Variants in USP40 observed in about 807,000 individuals in gnomAD.
The protein encoded by USP40 is ubiquitin specific peptidase 40.
Under a neutral mutation model 166.2 loss-of-function variants are expected in USP40, and 143 were observed. The ratio of observed to expected loss-of-function variants is 0.86; its 90% CI spans 0.75 to 0.99. The LOEUF (loss-of-function observed/expected upper bound fraction) is 0.99, where lower values mean the gene tolerates loss of function less well. Ranked by LOEUF, USP40 falls within the 50% of genes least tolerant of loss-of-function variation. USP40 has a pLI of 0.00. For missense variants in USP40, 1,444 were observed against 1,479.7 expected, an observed-to-expected ratio of 0.98 and a Z score of 0.40; for synonymous variants, 498 against 524.0, an observed-to-expected ratio of 0.95 and a Z score of 0.68.
chr2:233,498,603 C>T lies in USP40; in HGVS notation c.2660G>A (p.Trp887Ter), dbSNP rs536827807. The change falls in exon 23 of 32, where the codon TGG (tryptophan) becomes TAG (stop). Residue 887 changes from tryptophan to a stop codon, truncating the protein, a stop_gained. Coordinates refer to ENST00000678225, the MANE Select transcript of USP40 (RefSeq NM_001365479.2). LOFTEE classifies it high-confidence loss of function. ...LKKSGLQGDA[W>*]HLRKMDWCYE... ...GCACCAATCCATTTTTCGTAAATGCCAGGCATCTCCTATAAAGGAGTCAAA... is the reference window on the plus strand; with the variant it reads ...GCACCAATCCATTTTTCGTAAATGCTAGGCATCTCCTATAAAGGAGTCAAA... 13 of 1,613,166 alleles carry T rather than the reference C, an allele frequency of 8.1e-6. No individual in the cohort carries two copies. The South Asian group carries it at 1.2e-4, about 15-fold the overall frequency.
Position 233,554,303 on chromosome 2 carries a change from C to T in USP40, c.693+77G>A, listed in dbSNP as rs185742730. 24 of 1,409,058 alleles carry T rather than the reference C, an allele frequency of 1.7e-5. No individual in the cohort carries two copies. In the East Asian group the frequency reaches 2.8e-4, roughly 17 times the overall value. 87.3% of individuals were successfully genotyped at this position (1,409,058 alleles called of 1,614,324 possible). A position where few individuals can be genotyped will look rare whatever the true frequency, so the allele number is the denominator to read the frequency against. ...GTGTCAACAGCTTCAAGTATATCCT[C>T]GAGACTTTTTCATACAAGTTGACTT... On this transcript the variant is annotated intron_variant, in intron 6 of 31. Transcript: ENST00000678225.
Position 233,566,758 on chromosome 2 carries a change from T to G in USP40, c.-94A>C. The G allele has an allele frequency of 1.0e-6, 1 of 985,948 alleles. No individual in the cohort carries two copies. The highest frequency in any genetic ancestry group is 1.2e-6 in the Non-Finnish European group (1 of 829,960). 61.1% of individuals were successfully genotyped at this position (985,948 alleles called of 1,614,324 possible). ...CCGCCCCAACTGGGCGCCGCCATGT[T>G]GGCGAGGGCGGGTCTCCAGAAAGTG... On this transcript the variant is annotated 5_prime_UTR_variant, in exon 1 of 32. Transcript: ENST00000678225.
At chr2:233,523,862 TCA>T (rs1355560810) in intron 15 of USP40, among the ~76,000 whole-genome samples, 9 of 152,022 alleles carry the variant, frequency 5.9e-5, no homozygotes, top group Non-Finnish European at 8.8e-5. Flanking sequence ...GTATAGATTC[TCA>T]CTCTTCTAAA....
In USP40 at chr2:233,527,391, AG is replaced by A; in HGVS notation, c.1725+15del. 1 of 1,610,326 alleles carries A rather than the reference AG, an allele frequency of 6.2e-7. No individual in the cohort carries two copies. The highest frequency in any genetic ancestry group is 8.5e-7 in the Non-Finnish European group (1 of 1,178,934). ...GTGCTCGATGTCTGAATTAAGAGGA[AG>A]TAAGGCGATATTACCTGAAATATTG... On this transcript the variant is annotated intron_variant, in intron 13 of 31. Coordinates refer to ENST00000678225, the MANE Select transcript of USP40 (RefSeq NM_001365479.2).
rs1156279626 is a variant in USP40 at position 233,518,251 on chromosome 2, TAAAAAAAAAAAAAAA to T, written c.2383+1348_2383+1362del. Among the ~76,000 whole-genome samples, 18 of 49,834 alleles carry T rather than the reference TAAAAAAAAAAAAAAA, an allele frequency of 3.6e-4. 1 individual carries two copies. Among genetic ancestry groups the T allele is most frequent in the South Asian group, 2.4e-3 (3 of 1,244 alleles). 32.7% of individuals were successfully genotyped at this position (49,834 alleles called of 152,430 possible). A position where few individuals can be genotyped will look rare whatever the true frequency, so the allele number is the denominator to read the frequency against. On this transcript the variant is annotated intron_variant, in intron 18 of 31. Transcript: ENST00000678225. ...TCAAAACCAAACCAGTAACAGATTC[TAAAAAAAAAAAAAAA>T]AAAAAAAAAAAAAAAGATGGCTGGG... is the stretch of plus-strand genomic sequence containing the variant.
At chr2:233,509,388 A>G (rs2066642158) in intron 21 of USP40, among the ~76,000 whole-genome samples, 1 of 152,228 alleles carries the variant, frequency 6.6e-6, no homozygotes, top group African/African-American at 2.4e-5. Context: ...GTGTGTGTAT[A>G]TAAATACTAG....
At chr2:233,547,751 C>T (rs183737895) in intron 8 of USP40, among the ~76,000 whole-genome samples, 1 of 152,200 alleles carries the variant, frequency 6.6e-6, no homozygotes, top group African/African-American at 2.4e-5. Context: ...ATTAAAGGGA[C>T]TTTAGAAAAT....
chr2:233,499,787 A>C (rs2065956813), intron 22 of USP40, 92 bp downstream of exon 22: 6 of 1,069,614 alleles, frequency 5.6e-6, no homozygotes, highest in Non-Finnish European at 8.2e-6. Context: ...ACACCCTATA[A>C]ATTTTTTTTT....
In USP40 at chr2:233,476,868, G is replaced by A. The variant is rs926310367; in HGVS notation, c.*524C>T. 19 of 194,116 alleles carry A rather than the reference G, an allele frequency of 9.8e-5. No individual in the cohort carries two copies. The highest frequency in any genetic ancestry group is 4.4e-4 in the East Asian group (3 of 6,882). 12.0% of individuals were successfully genotyped at this position (194,116 alleles called of 1,614,324 possible). A position where few individuals can be genotyped will look rare whatever the true frequency, so the allele number is the denominator to read the frequency against. ...GACGTGGAGCATGCGGGGCCGGAACGAGTGGGGGAAATGAAGTCCTGAAAG... is the reference window on the plus strand; with the variant it reads ...GACGTGGAGCATGCGGGGCCGGAACAAGTGGGGGAAATGAAGTCCTGAAAG... On this transcript the variant is annotated 3_prime_UTR_variant, in exon 32 of 32. Transcript: ENST00000678225.
chr2:233,542,930 A>G lies in USP40; in HGVS notation c.967-567T>C, dbSNP rs561719634. Among the ~76,000 whole-genome samples the G allele has an allele frequency of 7.2e-5, 11 of 152,264 alleles. No homozygotes were observed. The South Asian group carries it at 1.7e-3, about 23-fold the overall frequency. ...CTTTAGCTACATTTTACATAATTTG[A>G]TATGTTGAGTTTTCATTAAAATTCA... On this transcript the variant is annotated intron_variant, in intron 8 of 31. Transcript: ENST00000678225.
In USP40 at chr2:233,493,485, G is replaced by A; in HGVS notation, c.2857C>T (p.Gln953Ter). The A allele has an allele frequency of 6.2e-7, 1 of 1,613,874 alleles. No homozygotes were observed. Among genetic ancestry groups the A allele is most frequent in the Non-Finnish European group, 8.5e-7 (1 of 1,179,868 alleles). ...QGPSGHWESHQDQTNCTSSWG... is the reference protein window; with the variant it reads ...QGPSGHWESH ...GACGAAGTACAGTTGGTCTGGTCCTGATGACTCTCCCAGTGTCCTGAGGGA... is the reference window on the plus strand; with the variant it reads ...GACGAAGTACAGTTGGTCTGGTCCTAATGACTCTCCCAGTGTCCTGAGGGA... The change falls in exon 25 of 32, where the codon CAG becomes TAG. Residue 953 changes from glutamine to a stop codon, truncating the protein, a stop_gained. Coordinates refer to ENST00000678225, the MANE Select transcript of USP40 (RefSeq NM_001365479.2). LOFTEE classifies it high-confidence loss of function. The surrounding 1 kb of genome is among the most constrained non-coding windows in gnomAD (Gnocchi z 4.7).
intron 11 of USP40, among the ~76,000 whole-genome samples, chr2:233,530,227 CACAGGCACACACACAA>C (rs1325903852): frequency 1.3e-5 from 2 of 151,632 alleles, no homozygotes; most frequent in Non-Finnish European, 2.9e-5. Flanking sequence ...CACACACACA[CACAGGCACACACACAA>C]ACACACACAA....
intron 16 of USP40, among the ~76,000 whole-genome samples, chr2:233,521,566 T>C (rs115999431): frequency 1.3e-3 from 197 of 152,356 alleles, no homozygotes; most frequent in Non-Finnish European, 2.0e-3. Flanking sequence ...ACTGCATTTC[T>C]ACATAGAGTT....
At chr2:233,519,018 A>T (rs921207376) in intron 18 of USP40, among the ~76,000 whole-genome samples, 1 of 152,246 alleles carries the variant, frequency 6.6e-6, no homozygotes, top group Non-Finnish European at 1.5e-5. Flanking sequence ...GACACAAAAG[A>T]CTATATGTTT....
At chr2:233,517,569 A>G (rs1161475337) in intron 18 of USP40, among the ~76,000 whole-genome samples, 1 of 151,900 alleles carries the variant, frequency 6.6e-6, no homozygotes, top group African/African-American at 2.4e-5. Flanking sequence ...TGTATTTTTC[A>G]GTAGAGACAG....
At chr2:233,558,196 C>T (rs1405736187) in intron 4 of USP40, among the ~76,000 whole-genome samples, 3 of 151,704 alleles carry the variant, frequency 2.0e-5, no homozygotes, top group African/African-American at 7.3e-5. Context: ...CTACACTTCG[C>T]AAAGGTACCA....
chr2:233,520,990 C>A lies in USP40; in HGVS notation c.2325+1G>T. 1 of 1,610,440 alleles carries A rather than the reference C, an allele frequency of 6.2e-7. No individual in the cohort carries two copies. Among genetic ancestry groups the A allele is most frequent in the Non-Finnish European group, 8.5e-7 (1 of 1,178,660 alleles). ...CCAACCTTTAATTATATTCTACTCA[C>A]TGTGTTAACAGTTGCTGATATTTTA... On this transcript the variant is annotated splice_donor_variant, in intron 17 of 31. Coordinates refer to ENST00000678225, the MANE Select transcript of USP40 (RefSeq NM_001365479.2). LOFTEE classifies it high-confidence loss of function.
At chr2:233,553,060 A>G (rs1484097491) in intron 6 of USP40, among the ~76,000 whole-genome samples, 2 of 23,416 alleles carry the variant, frequency 8.5e-5, no homozygotes, top group African/African-American at 3.3e-4. Context: ...GGTTGATGCC[A>G]TAGAAGCTGA....
chr2:233,494,613 C>A (rs897284052), intron 24 of USP40, among the ~76,000 whole-genome samples: 7 of 151,774 alleles, frequency 4.6e-5, no homozygotes, highest in African/African-American at 1.7e-4. Context: ...CAGCTGTAAT[C>A]CCAGTACTTT....
Sources: gnomAD v4.1 joint callset for allele counts (sites outside exome capture counted in the v4.1 genomes callset) on GRCh38, gnomAD v4.1.1 for gene constraint, Gnocchi (gnomAD v3.1) non-coding constraint, MANE v1.5 for transcripts, NCBI Gene and HGNC (gene_info 2026-07-23, HGNC 2026-07-21) for gene names.